Variants in PRIM2 observed in about 807,000 individuals in gnomAD.
PRIM2 encodes the protein DNA primase large subunit.
A neutral mutation model predicts 67.3 loss-of-function variants in PRIM2; 39 were observed. The ratio of observed to expected loss-of-function variants is 0.58; its 90% CI spans 0.45 to 0.76. The LOEUF (loss-of-function observed/expected upper bound fraction) is 0.76. PRIM2 is among the 30% of genes least tolerant of loss of function. The pLI is 0.00. For missense variants in PRIM2, 398 were observed against 598.7 expected (o/e 0.66, Z 3.50); for synonymous variants, 143 against 198.7 (o/e 0.72, Z 2.36).
chr6:57,442,529 A>AT (rs67208748), intron 7 of PRIM2, among the ~76,000 whole-genome samples: 9 of 151,708 alleles, frequency 5.9e-5, no homozygotes, highest in Non-Finnish European at 1.0e-4. Context: ...GTCAGGAAGC[A>AT]TTTTTTTTCT....
At chr6:57,517,312 A>T (rs1774506687) in intron 8 of PRIM2, among the ~76,000 whole-genome samples, 1 of 152,148 alleles carries the variant, frequency 6.6e-6, no homozygotes, top group Admixed American at 6.6e-5. Flanking sequence ...TGTTATGGGA[A>T]ATAATATTCT....
At chr6:57,302,573 T>G in the PRIM2 span, among the ~76,000 whole-genome samples, 2 of 152,222 alleles carry the variant, frequency 1.3e-5, no homozygotes, top group Non-Finnish European at 2.9e-5. Context: ...CTCAAAGGCA[T>G]AACTACTAAA....
chr6:57,406,756 T>C (rs1770904666), intron 7 of PRIM2, among the ~76,000 whole-genome samples: 1 of 152,118 alleles, frequency 6.6e-6, no homozygotes, highest in Non-Finnish European at 1.5e-5. Flanking sequence ...TTGTATAAAA[T>C]CTTATTTTTA....
intron 7 of PRIM2, among the ~76,000 whole-genome samples, chr6:57,399,761 T>C (rs1224880345): frequency 1.3e-5 from 2 of 151,482 alleles, no homozygotes; most frequent in African/African-American, 4.8e-5. Context: ...TATCTCATTG[T>C]GGTTTTGATT....
At chr6:57,525,390 T>A (rs1429583228) in intron 8 of PRIM2, among the ~76,000 whole-genome samples, 6 of 152,334 alleles carry the variant, frequency 3.9e-5, no homozygotes, top group Non-Finnish European at 7.3e-5. Flanking sequence ...CCTTTGACTT[T>A]TTTTGTGATT....
At chr6:57,383,926 CGTTA>C (rs1267801704) in intron 7 of PRIM2, among the ~76,000 whole-genome samples, 3 of 152,146 alleles carry the variant, frequency 2.0e-5, no homozygotes, top group Non-Finnish European at 2.9e-5. Context: ...TCAGTGTCTG[CGTTA>C]GTTAGTATTT....
chr6:57,365,292 A>C (rs945097203), intron 5 of PRIM2, among the ~76,000 whole-genome samples: 10 of 150,500 alleles, frequency 6.6e-5, no homozygotes, highest in African/African-American at 2.2e-4. Flanking sequence ...ACTTCTTGGT[A>C]TTTCCTTTCT....
chr6:57,451,437 G>A (rs1420563711), intron 7 of PRIM2, among the ~76,000 whole-genome samples: 1 of 152,144 alleles, frequency 6.6e-6, no homozygotes, highest in Non-Finnish European at 1.5e-5. Context: ...ACCGCATCTA[G>A]CCTGATATAG....
At chr6:57,459,353 A>T (rs1192133075) in intron 7 of PRIM2, among the ~76,000 whole-genome samples, 1 of 152,120 alleles carries the variant, frequency 6.6e-6, no homozygotes, top group Non-Finnish European at 1.5e-5. Flanking sequence ...TACTTGTTAA[A>T]AACCTCATAG....
chr6:57,381,429 A>G (rs1178930627), intron 6 of PRIM2, among the ~76,000 whole-genome samples: 1 of 151,672 alleles, frequency 6.6e-6, no homozygotes, highest in Non-Finnish European at 1.5e-5. Flanking sequence ...ATCTCTTAGA[A>G]TTTTAAGATT....
chr6:57,348,464 T>G (rs1581815456), intron 5 of PRIM2, among the ~76,000 whole-genome samples: 1 of 152,302 alleles, frequency 6.6e-6, no homozygotes, highest in East Asian at 1.9e-4. Flanking sequence ...TGAGTTGGTT[T>G]TTTTTACTAT....
intron 10 of PRIM2, among the ~76,000 whole-genome samples, chr6:57,549,912 C>G (rs1257107082): frequency 1.3e-5 from 2 of 152,016 alleles, no homozygotes; most frequent in Non-Finnish European, 2.9e-5. Flanking sequence ...ATGGAGAAAC[C>G]CTGTCTCTAC....
At chr6:57,611,419 G>GA (rs1776663926) in intron 12 of PRIM2, among the ~76,000 whole-genome samples, 2 of 152,154 alleles carry the variant, frequency 1.3e-5, no homozygotes, top group Non-Finnish European at 2.9e-5. Context: ...TTAGGGAAAT[G>GA]ATGAAGACAG....
chr6:57,324,076 C>T (rs375057506), intron 3 of PRIM2, 125 bp from the exon 4 acceptor site: 3 of 589,540 alleles, frequency 5.1e-6, no homozygotes. Context: ...AGAGCAAGAC[C>T]CCATCTCTAA....
chr6:57,385,397 G>A (rs1202715071), intron 7 of PRIM2, among the ~76,000 whole-genome samples: 3 of 151,916 alleles, frequency 2.0e-5, no homozygotes, highest in Non-Finnish European at 4.4e-5. Flanking sequence ...GTAGAAAATA[G>A]CAACTTTTTC....
At chr6:57,457,148 A>C (rs201737840) in intron 7 of PRIM2, among the ~76,000 whole-genome samples, 1 of 151,880 alleles carries the variant, frequency 6.6e-6, no homozygotes, top group Non-Finnish European at 1.5e-5. Context: ...TTCCTCTGGA[A>C]GTTTTGTCTC....
the PRIM2 span, among the ~76,000 whole-genome samples, chr6:57,280,667 G>C: frequency 6.6e-6 from 1 of 151,966 alleles, no homozygotes; most frequent in Admixed American, 6.6e-5. Flanking sequence ...GTGCTACCAC[G>C]CCTGGCTAAT....
At chr6:57,406,640 A>G (rs1198664467) in intron 7 of PRIM2, among the ~76,000 whole-genome samples, 46 of 152,130 alleles carry the variant, frequency 3.0e-4, no homozygotes, top group Admixed American at 5.9e-4. Context: ...AGTTGATTGG[A>G]AATAACCAAG....
intron 5 of PRIM2, among the ~76,000 whole-genome samples, chr6:57,361,891 G>A (rs560920185): frequency 1.3e-5 from 2 of 151,080 alleles, no homozygotes; most frequent in East Asian, 3.9e-4. Flanking sequence ...GTCTACAAGG[G>A]TTATAGGGGG....
Sources: gnomAD v4.1 joint callset for allele counts (sites outside exome capture counted in the v4.1 genomes callset) on GRCh38, gnomAD v4.1.1 for gene constraint, MANE v1.5 for transcripts, NCBI Gene and HGNC (gene_info 2026-07-23, HGNC 2026-07-21) for gene names.